SGMS1: variants seen among roughly 807,000 people sequenced by gnomAD.
SGMS1 encodes sphingomyelin synthase 1, also known as phosphatidylcholine:ceramide cholinephosphotransferase 1.
A neutral mutation model predicts 46.2 loss-of-function variants in SGMS1; 13 were observed. The observed-to-expected ratio is 0.28, with a 90% CI of 0.18 to 0.45. SGMS1 has a LOEUF of 0.45. Ranked by LOEUF, SGMS1 falls within the 20% of genes least tolerant of loss-of-function variation. The pLI, the probability that SGMS1 is intolerant of heterozygous loss-of-function variation, is 1.00. For synonymous variants in SGMS1, 203 were observed against 187.8 expected (o/e 1.08, Z -0.66); for missense variants, 324 against 519.9 (o/e 0.62, Z 3.66).
chr10:50,318,931 C>CA (rs910663582), intron 8 of SGMS1, among the ~76,000 whole-genome samples: 44 of 151,534 alleles, frequency 2.9e-4, no homozygotes, highest in Admixed American at 1.6e-3. Context: ...TTCCCTCCAT[C>CA]AAAAAAAACT....
At chr10:50,458,726 T>C (rs191945914) in intron 5 of SGMS1, among the ~76,000 whole-genome samples, 178 of 152,268 alleles carry the variant, frequency 1.2e-3, no homozygotes, top group Non-Finnish European at 2.5e-4. Context: ...TGTATTCATC[T>C]TTCAGTGAGG....
intron 2 of SGMS1, among the ~76,000 whole-genome samples, chr10:50,527,472 T>A (rs1046612790): frequency 6.6e-6 from 1 of 152,194 alleles, no homozygotes; most frequent in African/African-American, 2.4e-5. Context: ...AAATATAACT[T>A]GCTCTCGGTT....
At chr10:50,322,017 G>C (rs539281024) in intron 8 of SGMS1, among the ~76,000 whole-genome samples, 28 of 152,304 alleles carry the variant, frequency 1.8e-4, no homozygotes, top group Admixed American at 1.7e-3. Context: ...TTCTGCTGTT[G>C]CATTTGTATT....
Position 50,343,918 on chromosome 10 carries a change from G to C in SGMS1, c.197C>G (p.Thr66Ser). The change falls in exon 7 of 11, where the codon ACC becomes AGC. Residue 66 changes from threonine to serine, a missense_variant. Physicochemically the swap from Thr to Ser is moderately conservative, Grantham distance 58 (BLOSUM62 1). Around this residue, in one of 2 missense-constraint regions of SGMS1, gnomAD observed 150 missense variants for 169.8 expected, o/e 0.88. Transcript: ENST00000361781. ...TTCCAAATGGTGCTCCATTTTCAGGGTTTCTATCATGTCCAGGAGCCGCTG... is the reference window on the plus strand; with the variant it reads ...TTCCAAATGGTGCTCCATTTTCAGGCTTTCTATCATGTCCAGGAGCCGCTG... The part of the protein sequence containing the change: ...NGQRLLDMIE[T>S]LKMEHHLEAH... 6.2e-7 allele frequency: 1 copy of C among 1,613,956 alleles called. No homozygotes were observed. The highest frequency in any genetic ancestry group is 1.1e-5 in the South Asian group (1 of 91,068).
chr10:50,517,829 C>T (rs547996803), intron 3 of SGMS1, among the ~76,000 whole-genome samples: 2 of 152,076 alleles, frequency 1.3e-5, no homozygotes, highest in Non-Finnish European at 2.9e-5. Context: ...AAACAGATGT[C>T]CTGACGGCAA....
chr10:50,480,492 G>A (rs1271324124), intron 3 of SGMS1, among the ~76,000 whole-genome samples: 1 of 152,066 alleles, frequency 6.6e-6, no homozygotes, highest in Non-Finnish European at 1.5e-5. Context: ...TGGAGAGTGA[G>A]GAAAAGCAGG....
intron 6 of SGMS1, among the ~76,000 whole-genome samples, chr10:50,351,348 G>A (rs1337788777): frequency 6.6e-6 from 1 of 152,164 alleles, no homozygotes; most frequent in African/African-American, 2.4e-5. Context: ...ATCAGACTTT[G>A]GACTGTGGAC....
chr10:50,422,275 G>C (rs1849266652), intron 6 of SGMS1, among the ~76,000 whole-genome samples: 2 of 152,110 alleles, frequency 1.3e-5, no homozygotes, highest in African/African-American at 4.8e-5. Flanking sequence ...TCATTGTTGT[G>C]AATATAATGA....
chr10:50,621,573 G>C (rs1023490219), intron 1 of SGMS1, among the ~76,000 whole-genome samples: 1 of 152,202 alleles, frequency 6.6e-6, no homozygotes, highest in African/African-American at 2.4e-5. Context: ...ATACAAGTTA[G>C]ACACTGTGCA....
chr10:50,376,411 T>C (rs1848522021), intron 6 of SGMS1, among the ~76,000 whole-genome samples: 1 of 152,164 alleles, frequency 6.6e-6, no homozygotes, highest in African/African-American at 2.4e-5. Flanking sequence ...TTTAAAGAGA[T>C]TCCCCCAGAT....
At position 50,343,963 on chromosome 10, in the gene SGMS1, C is replaced by T. The variant is rs774826836; in HGVS notation, c.152G>A (p.Arg51Gln). The part of the protein sequence containing the change: ...QEDFKKPPLC[R>Q]VSSDNGQRLL... The stretch of plus-strand genomic sequence containing the variant: ...CCGCTGCCCATTGTCAGAGGAGACT[C>T]GGCACAAGGGGGGTTTTTTGAAATC... The change falls in exon 7 of 11, where the codon CGA (arginine) becomes CAA (glutamine). Residue 51 changes from arginine (R) to glutamine (Q), a missense_variant. This residue lies in a region of SGMS1 where 150 missense variants were observed against 169.8 expected (regional missense o/e 0.88). Transcript: ENST00000361781. The T allele has an allele frequency of 1.8e-5, 29 of 1,614,018 alleles. No homozygotes were observed. In the South Asian group the frequency reaches 3.0e-4, roughly 16 times the overall value.
At chr10:50,393,535 G>A (rs557238943) in intron 6 of SGMS1, among the ~76,000 whole-genome samples, 2 of 152,212 alleles carry the variant, frequency 1.3e-5, no homozygotes, top group South Asian at 4.2e-4. Flanking sequence ...TACAAGACAA[G>A]CAGGAAATAT....
chr10:50,409,639 C>A (rs1849069891), intron 6 of SGMS1, among the ~76,000 whole-genome samples: 1 of 152,206 alleles, frequency 6.6e-6, no homozygotes, highest in South Asian at 2.1e-4. Flanking sequence ...ACAGATTTCT[C>A]AATTCTCCTG....
intron 2 of SGMS1, among the ~76,000 whole-genome samples, chr10:50,554,595 C>T (rs1445080679): frequency 6.6e-6 from 1 of 152,208 alleles, no homozygotes; most frequent in Non-Finnish European, 1.5e-5. Flanking sequence ...CATGCAGGAG[C>T]AGGCTGCAGC....
At chr10:50,314,170 A>C (rs1351560767) in intron 8 of SGMS1, among the ~76,000 whole-genome samples, 1 of 152,142 alleles carries the variant, frequency 6.6e-6, no homozygotes, top group East Asian at 1.9e-4. Flanking sequence ...ATTCTGTCAA[A>C]CAAATATAAA....
intron 3 of SGMS1, among the ~76,000 whole-genome samples, chr10:50,504,494 G>T (rs1010992228): frequency 1.3e-5 from 2 of 152,068 alleles, no homozygotes; most frequent in Admixed American, 6.6e-5. Context: ...ACATAATTTT[G>T]ATAATATCCA....
intron 6 of SGMS1, among the ~76,000 whole-genome samples, chr10:50,378,010 C>T (rs1848545007): frequency 6.6e-6 from 1 of 152,208 alleles, no homozygotes. Flanking sequence ...ACATGTTTTG[C>T]TTCAAAATGT....
chr10:50,522,577 C>G (rs1416290189), intron 2 of SGMS1, among the ~76,000 whole-genome samples: 1 of 152,134 alleles, frequency 6.6e-6, no homozygotes, highest in East Asian at 1.9e-4. Flanking sequence ...CAGTTTGGCT[C>G]TGGTGGCAGC....
chr10:50,381,476 TC>T (rs1848604812), intron 6 of SGMS1, among the ~76,000 whole-genome samples: 1 of 151,992 alleles, frequency 6.6e-6, no homozygotes, highest in Non-Finnish European at 1.5e-5. Flanking sequence ...GAAAAAAAAA[TC>T]CTTTCGTGAA....
Sources: allele counts gnomAD v4.1 joint callset (sites outside exome capture counted in the v4.1 genomes callset), GRCh38; gene constraint gnomAD v4.1.1; regional missense constraint gnomAD v4.1.1; transcripts MANE v1.5; gene names NCBI Gene and HGNC (gene_info 2026-07-23, HGNC 2026-07-21).